Variants in FSTL4 observed in about 807,000 individuals in gnomAD.
FSTL4 encodes follistatin like 4.
A neutral mutation model predicts 78.2 loss-of-function variants in FSTL4; 28 were observed. That is an observed-to-expected ratio of 0.36 (90% CI 0.27 to 0.49). The LOEUF (loss-of-function observed/expected upper bound fraction) is 0.49. FSTL4 is among the 20% of genes least tolerant of loss of function. The probability of loss-of-function intolerance (pLI) is 0.98; values close to 1 mark genes in which losing one functional copy is unlikely to be tolerated. For missense variants in FSTL4, 922 were observed against 1,084.9 expected (o/e 0.85, Z 2.11); for synonymous variants, 422 against 440.5 (o/e 0.96, Z 0.53).
At chr5:133,712,887 G>A in the FSTL4 span, among the ~76,000 whole-genome samples, 40,546 of 152,114 alleles carry the variant, frequency 0.27, 6,550 homozygotes, top group African/African-American at 0.46. Flanking sequence ...GGTCCAGGCC[G>A]TGTGTGATTC....
chr5:133,573,441 T>C (rs1331091600), intron 2 of FSTL4, among the ~76,000 whole-genome samples: 1 of 152,130 alleles, frequency 6.6e-6, no homozygotes, highest in Non-Finnish European at 1.5e-5. Context: ...AACATGGCTA[T>C]AGATAAAGTA....
intron 3 of FSTL4, among the ~76,000 whole-genome samples, chr5:133,561,915 A>G (rs1200942492): frequency 1.3e-5 from 2 of 152,204 alleles, no homozygotes; most frequent in Non-Finnish European, 2.9e-5. Context: ...TAAGCACAAT[A>G]TAGTTTCCCA....
the FSTL4 span, among the ~76,000 whole-genome samples, chr5:133,788,496 A>G: frequency 6.6e-6 from 1 of 152,082 alleles, no homozygotes; most frequent in African/African-American, 2.4e-5. Context: ...CCAAGCCCCA[A>G]CTGGCCACGG....
the FSTL4 span, among the ~76,000 whole-genome samples, chr5:133,807,415 T>A: frequency 2.6e-5 from 4 of 152,214 alleles, no homozygotes; most frequent in Non-Finnish European, 2.9e-5. Context: ...CCAGCTTATA[T>A]GGGGTCAAGG....
At position 133,426,045 on chromosome 5, in the gene FSTL4, C is replaced by T. The variant is rs1756807070; in HGVS notation, c.161-25059G>A. ...CCTTCTCTCTTGGCCTTGGTCTTCT[C>T]TTCTTCCACATATGGGGAGCTGGAA... On this transcript the variant is annotated intron_variant, in intron 3 of 15. Transcript: ENST00000265342. The surrounding 1 kb of genome is among the most constrained non-coding windows in gnomAD (Gnocchi z 5.0). Among the ~76,000 whole-genome samples, 2 of 152,338 alleles carry T rather than the reference C, an allele frequency of 1.3e-5. No individual in the cohort carries two copies. The highest frequency in any genetic ancestry group is 4.1e-4 in the South Asian group (2 of 4,826).
At chr5:133,591,854 A>G (rs1760635022) in intron 2 of FSTL4, among the ~76,000 whole-genome samples, 1 of 152,108 alleles carries the variant, frequency 6.6e-6, no homozygotes, top group Non-Finnish European at 1.5e-5. Context: ...TGAGCCCATG[A>G]AGGCATCCTG....
chr5:133,395,858 G>C (rs745866172), intron 4 of FSTL4, among the ~76,000 whole-genome samples: 2 of 152,074 alleles, frequency 1.3e-5, no homozygotes, highest in Non-Finnish European at 2.9e-5. Context: ...CTTACCCCAG[G>C]CTCCACTGGC....
chr5:133,248,856 C>G (rs1752125485), intron 7 of FSTL4: 1 of 160,322 alleles, frequency 6.2e-6, no homozygotes, highest in South Asian at 1.9e-4. Flanking sequence ...TCTGGCCTGA[C>G]CTGGTTTCCC....
Position 133,199,353 on chromosome 5 carries a change from C to T in FSTL4, c.2271G>A (p.Thr757=), listed in dbSNP as rs373294939. 25 of 1,613,832 alleles carry T rather than the reference C, an allele frequency of 1.5e-5. No homozygotes were observed. In the East Asian group the frequency reaches 2.2e-4, roughly 14 times the overall value. ...NQYNIYAALH[T]EPDLLFLELS... ...GCTCCAGGAACAGCAGGTCCGGCTC[C>T]GTGTGCAGAGCCGCGTAGATGTTGT... Residue 757 remains threonine, a synonymous_variant, in exon 16 of 16, where the codon ACG becomes ACA. Coordinates refer to ENST00000265342, the MANE Select transcript of FSTL4 (RefSeq NM_015082.2). This position sits in a 1 kb window ranked among gnomAD's most constrained non-coding sequence, Gnocchi z 4.4.
chr5:133,412,165 G>A (rs1048709695), intron 3 of FSTL4, among the ~76,000 whole-genome samples: 2 of 152,066 alleles, frequency 1.3e-5, no homozygotes, highest in African/African-American at 4.8e-5. Context: ...AAGTTCATTT[G>A]AAGTAATAAG....
intron 4 of FSTL4, among the ~76,000 whole-genome samples, chr5:133,395,823 G>A (rs1456190613): frequency 1.3e-5 from 2 of 152,080 alleles, no homozygotes; most frequent in Admixed American, 1.3e-4. Flanking sequence ...TTCTCTAAAC[G>A]TTCTCATCTT....
intron 6 of FSTL4, among the ~76,000 whole-genome samples, chr5:133,277,078 AAGGCGGG>A (rs1466681392): frequency 1.3e-5 from 2 of 152,196 alleles, no homozygotes; most frequent in Non-Finnish European, 2.9e-5. Flanking sequence ...TTGGGAGGCC[AAGGCGGG>A]TGGATCACCT....
At chr5:133,741,853 T>A in the FSTL4 span, among the ~76,000 whole-genome samples, 1 of 152,046 alleles carries the variant, frequency 6.6e-6, no homozygotes, top group Non-Finnish European at 1.5e-5. Flanking sequence ...TAAAACATGG[T>A]TTAGGAGATG....
chr5:133,215,211 AG>A (rs1418798115), intron 13 of FSTL4, among the ~76,000 whole-genome samples: 1 of 152,058 alleles, frequency 6.6e-6, no homozygotes, highest in East Asian at 1.9e-4. Flanking sequence ...CCTATCTTTC[AG>A]GTTATTCCTC....
At chr5:133,487,750 C>T (rs1758166179) in intron 3 of FSTL4, among the ~76,000 whole-genome samples, 2 of 152,158 alleles carry the variant, frequency 1.3e-5, no homozygotes, top group African/African-American at 4.8e-5. Context: ...GTGCTGACCA[C>T]CCCCAGCAAC....
the FSTL4 span, among the ~76,000 whole-genome samples, chr5:133,656,291 A>T: frequency 4.6e-5 from 7 of 152,078 alleles, no homozygotes; most frequent in Non-Finnish European, 8.8e-5. Context: ...TATAAAACAC[A>T]TGTCTCTAAG....
At chr5:133,429,435 G>C (rs1424235248) in intron 3 of FSTL4, among the ~76,000 whole-genome samples, 4 of 151,952 alleles carry the variant, frequency 2.6e-5, no homozygotes, top group Non-Finnish European at 4.4e-5. Flanking sequence ...TTCTACCCCA[G>C]GACTGCCTGG....
chr5:133,597,284 G>A (rs1056570431), intron 2 of FSTL4, among the ~76,000 whole-genome samples: 11 of 152,144 alleles, frequency 7.2e-5, no homozygotes, highest in African/African-American at 2.7e-4. Context: ...ACACAAGGAC[G>A]ACATTTACTT....
the FSTL4 span, among the ~76,000 whole-genome samples, chr5:133,787,975 T>C: frequency 2.0e-5 from 3 of 152,334 alleles, no homozygotes; most frequent in East Asian, 5.8e-4. Flanking sequence ...GCTCGGTAAG[T>C]GGTCGTGAAT....
Sources: allele counts gnomAD v4.1 joint callset (sites outside exome capture counted in the v4.1 genomes callset), GRCh38; gene constraint gnomAD v4.1.1; non-coding constraint Gnocchi (gnomAD v3.1); transcripts MANE v1.5; gene names NCBI Gene and HGNC (gene_info 2026-07-23, HGNC 2026-07-21).